The following NIPBL variants were observed in gnomAD, a reference collection of about 807,000 sequenced individuals.
NIPBL encodes the protein nipped-B-like protein.
In NIPBL, 19 loss-of-function variants were observed where a neutral mutation model predicts 321.8. That is an observed-to-expected ratio of 0.06 (90% confidence interval 0.04 to 0.09). The LOEUF is 0.09. Ranked by LOEUF, NIPBL falls within the 10% of genes least tolerant of loss-of-function variation. The pLI, the probability that NIPBL is intolerant of heterozygous loss-of-function variation, is 1.00. For synonymous variants in NIPBL, 1,106 were observed against 1,114.1 expected, an observed-to-expected ratio of 0.99 and a Z score of 0.14; for missense variants, 2,210 against 3,327.0, an observed-to-expected ratio of 0.66 and a Z score of 8.26.
At chr5:36,997,063 T>C (rs917713811) in intron 11 of NIPBL, 1 of 152,198 alleles carries the variant, frequency 6.6e-6, no homozygotes, top group African/African-American at 2.4e-5. Flanking sequence ...ACACAGTATA[T>C]TAAAATGGCT....
rs187412944 is a variant in NIPBL, at chr5:36,988,454, G to C, written c.3121+2153G>C. 3.6e-3 allele frequency among the ~76,000 whole-genome samples: 547 copies of C among 151,998 alleles called. 3 individuals carry two copies. The highest frequency in any genetic ancestry group is 5.8e-3 in the Non-Finnish European group (391 of 67,954). On this transcript the variant is annotated intron_variant, in intron 10 of 46. Coordinates refer to ENST00000282516, the MANE Select transcript of NIPBL (RefSeq NM_133433.4). ...GTGCTTAGATGCATTTCAGGATGCC[G>C]TGTAGCTATCTTTTGGATTAATTTA...
intron 37 of NIPBL, 74 bp from the exon 38 acceptor site, chr5:37,046,034 AT>A (rs1182428307): frequency 1.0e-5 from 8 of 783,882 alleles, no homozygotes; most frequent in East Asian, 2.5e-5. Context: ...GTTTTAAGGT[AT>A]TTTTTTCCTT....
At chr5:36,921,892 GT>G (rs57962323) in intron 1 of NIPBL, among the ~76,000 whole-genome samples, 23 of 141,898 alleles carry the variant, frequency 1.6e-4, no homozygotes, top group South Asian at 2.2e-4. Context: ...GGTTTTTTTT[GT>G]TTTTTTTTTT....
intron 6 of NIPBL, among the ~76,000 whole-genome samples, chr5:36,964,472 CA>C (rs1329597683): frequency 6.6e-6 from 1 of 151,980 alleles, no homozygotes; most frequent in East Asian, 1.9e-4. Flanking sequence ...TTGACAAAGG[CA>C]CCAAGAACAT....
intron 10 of NIPBL, 32 bp downstream of exon 10, chr5:36,986,333 TATA>T (rs1267083629): frequency 1.5e-6 from 2 of 1,362,984 alleles, no homozygotes; most frequent in Non-Finnish European, 1.9e-6. Context: ...TCATTTATAA[TATA>T]ATCGATTTTA....
chr5:37,044,607 TTTATC>T (rs749667033), intron 35 of NIPBL, 24 bp from the exon 36 acceptor site: 4 of 1,598,130 alleles, frequency 2.5e-6, no homozygotes, highest in South Asian at 2.2e-5. Context: ...ATTTTTAACT[TTTATC>T]TAAACATTTT....
At chr5:36,902,336 G>A (rs1747559187) in intron 1 of NIPBL, among the ~76,000 whole-genome samples, 1 of 151,996 alleles carries the variant, frequency 6.6e-6, no homozygotes, top group Non-Finnish European at 1.5e-5. Flanking sequence ...CTTTGCCAGG[G>A]CTGATGTCCA....
At chr5:36,889,037 A>G (rs1451123004) in intron 1 of NIPBL, among the ~76,000 whole-genome samples, 1 of 152,160 alleles carries the variant, frequency 6.6e-6, no homozygotes, top group Non-Finnish European at 1.5e-5. Flanking sequence ...TGGCTTGCAC[A>G]TAGTAAGCAC....
chr5:36,919,103 C>A (rs1444280272), intron 1 of NIPBL, among the ~76,000 whole-genome samples: 1 of 152,028 alleles, frequency 6.6e-6, no homozygotes, highest in East Asian at 1.9e-4. Context: ...AGGAATGGTA[C>A]CAGCTCCTCC....
intron 9 of NIPBL, among the ~76,000 whole-genome samples, chr5:36,980,535 G>A (rs1428559189): frequency 6.6e-6 from 1 of 151,512 alleles, no homozygotes; most frequent in African/African-American, 2.4e-5. Context: ...TTTATGTTTA[G>A]ATATGTTTTA....
intron 34 of NIPBL, among the ~76,000 whole-genome samples, chr5:37,041,665 C>T (rs1337425457): frequency 2.0e-5 from 3 of 151,884 alleles, no homozygotes; most frequent in Admixed American, 1.3e-4. Context: ...CAGGTTCAAG[C>T]GATTCTCATG....
chr5:37,017,004 T>C lies in NIPBL; in HGVS notation c.4777-15T>C. Reference sequence around the variant, plus strand: ...GTTATAAATCTATTCAATCAAAAACTATTTTGATATTTAGGTTCATCAGTT... The same window carrying C: ...GTTATAAATCTATTCAATCAAAAACCATTTTGATATTTAGGTTCATCAGTT... On this transcript the variant is annotated splice_polypyrimidine_tract_variant and intron_variant, in intron 23 of 46. Coordinates refer to ENST00000282516, the MANE Select transcript of NIPBL (RefSeq NM_133433.4). 1 of 1,547,744 alleles carries C rather than the reference T, an allele frequency of 6.5e-7. No individual in the cohort carries two copies. The highest frequency in any genetic ancestry group is 1.7e-5 in the Admixed American group (1 of 57,250).
intron 1 of NIPBL, among the ~76,000 whole-genome samples, chr5:36,932,504 T>G (rs188694243): frequency 6.6e-6 from 1 of 152,302 alleles, no homozygotes; most frequent in Non-Finnish European, 1.5e-5. Flanking sequence ...CCATTCCAGC[T>G]TTTTTATTGT....
chr5:36,884,139 A>G, intron 1 of NIPBL, among the ~76,000 whole-genome samples: 1 of 151,778 alleles, frequency 6.6e-6, no homozygotes, highest in African/African-American at 2.4e-5. Flanking sequence ...TCTTTTTACT[A>G]TTTTCTCTTT....
At chr5:36,967,626 T>A (rs1030818783) in intron 6 of NIPBL, among the ~76,000 whole-genome samples, 1 of 152,158 alleles carries the variant, frequency 6.6e-6, no homozygotes, top group Non-Finnish European at 1.5e-5. Context: ...AACATTCATG[T>A]CCTGTTCCCG....
At chr5:36,896,621 A>T (rs956320000) in intron 1 of NIPBL, among the ~76,000 whole-genome samples, 1 of 152,120 alleles carries the variant, frequency 6.6e-6, no homozygotes, top group Non-Finnish European at 1.5e-5. Flanking sequence ...TTGTTTTGAG[A>T]CAAACTCTCG....
At chr5:36,919,334 A>G (rs1433958013) in intron 1 of NIPBL, among the ~76,000 whole-genome samples, 2 of 151,874 alleles carry the variant, frequency 1.3e-5, no homozygotes, top group Admixed American at 1.3e-4. Context: ...CTGATATAGT[A>G]TGTCTCCCAT....
At chr5:36,908,508 C>T (rs1022891159) in intron 1 of NIPBL, among the ~76,000 whole-genome samples, 2 of 152,052 alleles carry the variant, frequency 1.3e-5, no homozygotes, top group African/African-American at 2.4e-5. Context: ...ATTGAATTCA[C>T]CTGTATGTGG....
At chr5:36,980,993 T>TAA (rs1744071854) in intron 9 of NIPBL, among the ~76,000 whole-genome samples, 3 of 151,684 alleles carry the variant, frequency 2.0e-5, no homozygotes, top group Non-Finnish European at 4.4e-5. Context: ...AGTGGTGGTT[T>TAA]TAGAGCCCTT....
Sources: gnomAD v4.1 joint callset for allele counts (sites outside exome capture counted in the v4.1 genomes callset) on GRCh38, gnomAD v4.1.1 for gene constraint, MANE v1.5 for transcripts, NCBI Gene and HGNC (gene_info 2026-07-23, HGNC 2026-07-21) for gene names.